Variants in KMT2A observed in about 807,000 individuals in gnomAD.
KMT2A encodes the protein lysine methyltransferase 2A, also known as histone-lysine N-methyltransferase 2A.
In KMT2A, 16 loss-of-function variants were observed where a neutral mutation model predicts 345.3. The observed-to-expected ratio is 0.05, with a 90% CI of 0.03 to 0.07. The LOEUF is 0.07. Among genes scored for constraint, KMT2A ranks in the 10% least tolerant of loss-of-function variants. KMT2A has a pLI of 1.00. For missense variants in KMT2A, 3,272 were observed against 4,841.6 expected (o/e 0.68, Z 9.62); for synonymous variants, 1,599 against 1,778.6 (o/e 0.90, Z 2.54).
At chr11:118,441,865 AT>A (rs1177781746) in intron 1 of KMT2A, among the ~76,000 whole-genome samples, 8 of 152,212 alleles carry the variant, frequency 5.3e-5, no homozygotes, top group African/African-American at 1.9e-4. Flanking sequence ...GAGAGAAACT[AT>A]TCCCATCTTG....
rs1484915714 is a variant in KMT2A at position 118,525,732 on chromosome 11, T to C, written c.*3560T>C. 1 of 230,320 alleles carries C rather than the reference T, an allele frequency of 4.3e-6. No individual in the cohort carries two copies. Among genetic ancestry groups the C allele is most frequent in the Non-Finnish European group, 8.6e-6 (1 of 116,472 alleles). The allele number at this position is 230,320 out of a possible 1,614,324, so 14.3% of individuals were successfully genotyped here. ...TCTGAAAATACTAAAGGTCAAAACC[T>C]TGTCAGATGTTAACTTCTAAGTTCG... On this transcript the variant is annotated 3_prime_UTR_variant, in exon 36 of 36. Coordinates refer to ENST00000534358, the MANE Select transcript of KMT2A (RefSeq NM_001197104.2).
Position 118,477,498 on chromosome 11 carries a change from C to CTTTTTTTTTTTTTTTTTTTTTT in KMT2A, c.3335-463_3335-442dup, listed in dbSNP as rs11430367. On this transcript the variant is annotated intron_variant, in intron 4 of 35. Coordinates refer to ENST00000534358, the MANE Select transcript of KMT2A (RefSeq NM_001197104.2). ...CTTTCATCAAGATGCAAGTTATTGG[C>CTTTTTTTTTTTTTTTTTTTTTT]TTTTTTTTTTTTTTTTTTTTTTTTT... Among the ~76,000 whole-genome samples, 12 of 56,944 alleles carry CTTTTTTTTTTTTTTTTTTTTTT rather than the reference C, an allele frequency of 2.1e-4. 5 individuals are homozygous for CTTTTTTTTTTTTTTTTTTTTTT. Among genetic ancestry groups the CTTTTTTTTTTTTTTTTTTTTTT allele is most frequent in the East Asian group, 1.4e-3 (2 of 1,454 alleles). The allele number at this position is 56,944 out of a possible 152,430, so 37.4% of individuals were successfully genotyped here. A position where few individuals can be genotyped will look rare whatever the true frequency, so the allele number is the denominator to read the frequency against.
At position 118,437,449 on chromosome 11, in the gene KMT2A, C is replaced by A. The variant is rs564752704; in HGVS notation, c.432+505C>A. Among the ~76,000 whole-genome samples the A allele has an allele frequency of 2.0e-5, 3 of 152,106 alleles. No homozygotes were observed. In the East Asian group the frequency reaches 5.8e-4, roughly 29 times the overall value. On this transcript the variant is annotated intron_variant, in intron 1 of 35. Transcript: ENST00000534358. ...CTTGGGGATCGTGTCCCTTCCAGCACCTTGCTTTCGAAAACCCGATGAACC... is the reference window on the plus strand; with the variant it reads ...CTTGGGGATCGTGTCCCTTCCAGCAACTTGCTTTCGAAAACCCGATGAACC...
intron 31 of KMT2A, among the ~76,000 whole-genome samples, chr11:118,516,724 A>ATTATTCTGCTT (rs1404305870): frequency 1.3e-5 from 2 of 152,190 alleles, no homozygotes; most frequent in Non-Finnish European, 2.9e-5. Context: ...TGAATAAATG[A>ATTATTCTGCTT]GTCTCCCACA....
At chr11:118,456,427 C>T (rs1949644620) in intron 1 of KMT2A, among the ~76,000 whole-genome samples, 1 of 152,058 alleles carries the variant, frequency 6.6e-6, no homozygotes, top group Non-Finnish European at 1.5e-5. Context: ...CAACCTCCGC[C>T]TCCTGGGCTC....
chr11:118,488,029 A>T (rs1950259182), intron 10 of KMT2A, among the ~76,000 whole-genome samples: 1 of 152,092 alleles, frequency 6.6e-6, no homozygotes. Context: ...AAATACAAAA[A>T]ATTAGCCAGG....
chr11:118,517,577 T>C (rs1256392227), intron 31 of KMT2A, among the ~76,000 whole-genome samples: 1 of 152,154 alleles, frequency 6.6e-6, no homozygotes, highest in Non-Finnish European at 1.5e-5. Flanking sequence ...GGCTCACACC[T>C]GTAATCCTAC....
At chr11:118,475,393 C>T (rs1157046294) in intron 3 of KMT2A, among the ~76,000 whole-genome samples, 1 of 152,072 alleles carries the variant, frequency 6.6e-6, no homozygotes, top group Non-Finnish European at 1.5e-5. Context: ...GGCAGCAAAT[C>T]AGGTTAGGTT....
In KMT2A at chr11:118,498,901, A is replaced by G. The variant is rs1950453617; in HGVS notation, c.5961+373A>G. ...GCCTATTCATCCCTGCCTCTCCCCA[A>G]CCCTGGGCAACCACTGATGTTTTTA... On this transcript the variant is annotated intron_variant, in intron 22 of 35. Coordinates refer to ENST00000534358, the MANE Select transcript of KMT2A (RefSeq NM_001197104.2). The surrounding 1 kb of genome is among the most constrained non-coding windows in gnomAD (Gnocchi z 4.4). Among the ~76,000 whole-genome samples the G allele has an allele frequency of 6.6e-6, 1 of 152,022 alleles. No individual in the cohort carries two copies. The highest frequency in any genetic ancestry group is 2.1e-4 in the South Asian group (1 of 4,818).
Position 118,498,474 on chromosome 11 carries a change from T to A in KMT2A, c.5907T>A (p.Phe1969Leu). ...FMCSRAKNCV[F>L]LDDKKVYCQR... Reference sequence around the variant, plus strand: ...GTTCCCGAGCCAAGAACTGTGTCTTTCTGGATGATAAAAAAGTATATTGCC... The same window carrying A: ...GTTCCCGAGCCAAGAACTGTGTCTTACTGGATGATAAAAAAGTATATTGCC... The change falls in exon 22 of 36, where the codon TTT (phenylalanine) becomes TTA (leucine). Residue 1969 changes from phenylalanine (F) to leucine (L), a missense_variant. Transcript: ENST00000534358. The surrounding 1 kb of genome is among the most constrained non-coding windows in gnomAD (Gnocchi z 4.4). 6.2e-7 allele frequency: 1 copy of A among 1,613,804 alleles called. No individual in the cohort carries two copies. The highest frequency in any genetic ancestry group is 8.5e-7 in the Non-Finnish European group (1 of 1,179,916).
rs1950518690 is a variant in KMT2A at position 118,502,661 on chromosome 11, A to T, written c.6769A>T (p.Thr2257Ser). 6.2e-7 allele frequency: 1 copy of T among 1,614,080 alleles called. No homozygotes were observed. Among genetic ancestry groups the T allele is most frequent in the South Asian group, 1.1e-5 (1 of 91,092 alleles). The part of the protein sequence containing the change: ...DHVLGPLNSS[T>S]SLGQNTSTSS... ...TGTCTTAGGGCCACTGAATTCAAGT[A>T]CTAGTTTAGGGCAAAACACTTCCAC... is the stretch of plus-strand genomic sequence containing the variant. The change falls in exon 27 of 36, where the codon ACT becomes TCT. Residue 2257 changes from threonine (T) to serine (S), a missense_variant. Transcript: ENST00000534358. This position sits in a 1 kb window ranked among gnomAD's most constrained non-coding sequence, Gnocchi z 4.9.
At position 118,505,954 on chromosome 11, in the gene KMT2A, C is replaced by G. The variant is rs782558969; in HGVS notation, c.10062C>G (p.Thr3354=). 2 of 1,614,170 alleles carry G rather than the reference C, an allele frequency of 1.2e-6. No homozygotes were observed. Among genetic ancestry groups the G allele is most frequent in the Non-Finnish European group, 8.5e-7 (1 of 1,180,034 alleles). Residue 3354 remains threonine, a synonymous_variant, in exon 27 of 36, where the codon ACC becomes ACG. Coordinates refer to ENST00000534358, the MANE Select transcript of KMT2A (RefSeq NM_001197104.2). The surrounding 1 kb of genome is among the most constrained non-coding windows in gnomAD (Gnocchi z 4.6). ...TTGTATCCATGCAAACTACCACAAC[C>G]CCTACAAGTAGTGCGTCAGTTCCAG... ...LNVVSMQTTT[T]PTSSASVPGH...
intron 1 of KMT2A, among the ~76,000 whole-genome samples, chr11:118,466,493 G>A (rs1188425369): frequency 1.3e-5 from 2 of 152,192 alleles, no homozygotes. Flanking sequence ...AATGTTCACA[G>A]TAAGAATTTA....
At chr11:118,488,477 T>C in intron 10 of KMT2A, 137 bp from the exon 11 acceptor site, 1 of 858,226 alleles carries the variant, frequency 1.2e-6, no homozygotes. Context: ...TACATAGTCA[T>C]TGCTTAATGA....
Position 118,525,384 on chromosome 11 carries a change from G to C in KMT2A, c.*3212G>C. 4.4e-6 allele frequency: 1 copy of C among 227,354 alleles called. No individual in the cohort carries two copies. Among genetic ancestry groups the C allele is most frequent in the Non-Finnish European group, 8.7e-6 (1 of 114,404 alleles). 14.1% of individuals were successfully genotyped at this position (227,354 alleles called of 1,614,324 possible). A position where few individuals can be genotyped will look rare whatever the true frequency, so the allele number is the denominator to read the frequency against. ...ATAGCTGCATGGCGCTGACCCTTTG[G>C]CCGGAACTTGGTCTCTTGGCTCCCT... On this transcript the variant is annotated 3_prime_UTR_variant, in exon 36 of 36. Coordinates refer to ENST00000534358, the MANE Select transcript of KMT2A (RefSeq NM_001197104.2).
At position 118,436,659 on chromosome 11, in the gene KMT2A, C is replaced by T. The variant is rs1402504913; in HGVS notation, c.147C>T (p.Gly49=). The T allele has an allele frequency of 2.9e-5, 34 of 1,182,876 alleles. 1 individual carries two copies. The African/African-American group carries it at 4.7e-4, about 16-fold the overall frequency. The allele number at this position is 1,182,876 out of a possible 1,614,324, so 73.3% of individuals were successfully genotyped here. A position where few individuals can be genotyped will look rare whatever the true frequency, so the allele number is the denominator to read the frequency against. Residue 49 remains glycine (G), a synonymous_variant, in exon 1 of 36, where the codon GGC becomes GGT. Coordinates refer to ENST00000534358, the MANE Select transcript of KMT2A (RefSeq NM_001197104.2). The surrounding 1 kb of genome is among the most constrained non-coding windows in gnomAD (Gnocchi z 6.9). ...LLPPGPPVGG[G]GPGAPPSPPA... ...CCCCCGGGCCCCCGGTCGGCGGTGG[C>T]GGCCCCGGGGCGCCCCCCTCCCCCC... is the stretch of plus-strand genomic sequence containing the variant.
chr11:118,473,046 A>C lies in KMT2A; in HGVS notation c.1887A>C (p.Pro629=). 6.2e-7 allele frequency: 1 copy of C among 1,614,208 alleles called. No individual in the cohort carries two copies. Among genetic ancestry groups the C allele is most frequent in the Non-Finnish European group, 8.5e-7 (1 of 1,180,026 alleles). ...CTTTAAAGCATTCTAGGTCAGAGCC[A>C]CAATACTTTTCCTCAGCAAAGTATG... ...WTSLKHSRSE[P]QYFSSAKYAK... The change falls in exon 3 of 36, where the codon CCA becomes CCC. Residue 629 remains proline (P), a synonymous_variant. Coordinates refer to ENST00000534358, the MANE Select transcript of KMT2A (RefSeq NM_001197104.2). This position sits in a 1 kb window ranked among gnomAD's most constrained non-coding sequence, Gnocchi z 5.2.
rs781943198 is a variant in KMT2A, at chr11:118,489,775, A to G, written c.4480-17A>G. On this transcript the variant is annotated splice_polypyrimidine_tract_variant and intron_variant, in intron 11 of 35. Transcript: ENST00000534358. ...GTAATATGATGCTTATCTTTTTGCC[A>G]TTATATTTTCTTACAGCAGCTGCTG... 6.2e-7 allele frequency: 1 copy of G among 1,610,496 alleles called. No individual in the cohort carries two copies. The highest frequency in any genetic ancestry group is 8.5e-7 in the Non-Finnish European group (1 of 1,176,764).
chr11:118,474,977 A>AG (rs1565281512), intron 3 of KMT2A, among the ~76,000 whole-genome samples: 1 of 152,006 alleles, frequency 6.6e-6, no homozygotes, highest in African/African-American at 2.4e-5. Flanking sequence ...TAAAAAAAAA[A>AG]AAAAAATTAG....
Sources: allele counts gnomAD v4.1 joint callset (sites outside exome capture counted in the v4.1 genomes callset), GRCh38; gene constraint gnomAD v4.1.1; non-coding constraint Gnocchi (gnomAD v3.1); transcripts MANE v1.5; gene names NCBI Gene and HGNC (gene_info 2026-07-23, HGNC 2026-07-21).